RFX3: variants seen among roughly 807,000 people sequenced by gnomAD.
The protein encoded by RFX3 is transcription factor RFX3.
Under a neutral mutation model 98.6 loss-of-function variants are expected in RFX3, and 14 were observed. The observed-to-expected ratio is 0.14, with a 90% CI of 0.09 to 0.22. The LOEUF is 0.22. Ranked by LOEUF, RFX3 falls within the 10% of genes least tolerant of loss-of-function variation. The pLI, the probability that RFX3 is intolerant of heterozygous loss-of-function variation, is 1.00. For missense variants in RFX3, 639 were observed against 926.9 expected (o/e 0.69, Z 4.03); for synonymous variants, 383 against 328.4 (o/e 1.17, Z -1.80).
At chr9:3,451,990 T>C (rs952990796) in intron 1 of RFX3, among the ~76,000 whole-genome samples, 2 of 152,186 alleles carry the variant, frequency 1.3e-5, no homozygotes, top group African/African-American at 2.4e-5. Flanking sequence ...TGTGCTGAAG[T>C]AGAATTGGAA....
At chr9:3,259,687 A>G (rs191250285) in intron 13 of RFX3, among the ~76,000 whole-genome samples, 7 of 152,130 alleles carry the variant, frequency 4.6e-5, no homozygotes, top group Admixed American at 3.9e-4. Context: ...GAATTATGCC[A>G]TCGTAATACT....
chr9:3,464,056 AT>A (rs1195468208), intron 1 of RFX3, among the ~76,000 whole-genome samples: 1 of 152,208 alleles, frequency 6.6e-6, no homozygotes, highest in East Asian at 1.9e-4. Flanking sequence ...AAAATTAATC[AT>A]TTTAGGGAAA....
intron 1 of RFX3, among the ~76,000 whole-genome samples, chr9:3,501,659 C>T (rs553971664): frequency 2.7e-5 from 4 of 148,900 alleles, no homozygotes; most frequent in East Asian, 2.0e-4. Flanking sequence ...GAGGTTCAAG[C>T]GATTCTCGTG....
Position 3,525,955 on chromosome 9 carries a change from AGC to A in RFX3, c.-219_-218del. Reference sequence around the variant, plus strand: ...GAGAGAGAGAGGGAGAGAGAGAGAGAGCGAGAGGGAGAGGGAGACACTCGCAC... The same window carrying A: ...GAGAGAGAGAGGGAGAGAGAGAGAGAGAGAGGGAGAGGGAGACACTCGCAC... On this transcript the variant is annotated 5_prime_UTR_variant, in exon 1 of 17. Coordinates refer to ENST00000617270, the MANE Select transcript of RFX3 (RefSeq NM_001282116.2). The A allele has an allele frequency of 1.9e-5, 10 of 533,992 alleles. No homozygotes were observed. Among genetic ancestry groups the A allele is most frequent in the Non-Finnish European group, 2.3e-5 (10 of 433,130 alleles). The allele number at this position is 533,992 out of a possible 1,614,324, so 33.1% of individuals were successfully genotyped here.
At chr9:3,445,255 TGA>T (rs199713232) in intron 1 of RFX3, among the ~76,000 whole-genome samples, 1,797 of 148,026 alleles carry the variant, frequency 0.012, 33 homozygotes, top group African/African-American at 0.041. Context: ...ATAAATTTAT[TGA>T]GAGAAGGGAG....
At chr9:3,504,489 T>C (rs1023055499) in intron 1 of RFX3, among the ~76,000 whole-genome samples, 4 of 130,590 alleles carry the variant, frequency 3.1e-5, no homozygotes, top group Non-Finnish European at 6.3e-5. Context: ...ATAAAATATA[T>C]ATTATATGCC....
intron 2 of RFX3, among the ~76,000 whole-genome samples, chr9:3,374,777 A>T (rs1838264414): frequency 6.6e-6 from 1 of 152,092 alleles, no homozygotes; most frequent in African/African-American, 2.4e-5. Flanking sequence ...TTGCACAACA[A>T]TGTGAATGTA....
rs148257747 is a variant in RFX3 at position 3,456,409 on chromosome 9, T to C, written c.-8-60813A>G. 1.9e-3 allele frequency among the ~76,000 whole-genome samples: 294 copies of C among 152,340 alleles called. 1 individual carries two copies. The highest frequency in any genetic ancestry group is 6.8e-3 in the African/African-American group (283 of 41,570). ...AGACCATCTTAATTTCAGCTAATCATTTCAGATGGCTAAGCTTTTTTCAAT... is the reference window on the plus strand; with the variant it reads ...AGACCATCTTAATTTCAGCTAATCACTTCAGATGGCTAAGCTTTTTTCAAT... On this transcript the variant is annotated intron_variant, in intron 1 of 16. Transcript: ENST00000617270.
At chr9:3,471,829 C>G (rs1848805178) in intron 1 of RFX3, among the ~76,000 whole-genome samples, 1 of 152,234 alleles carries the variant, frequency 6.6e-6, no homozygotes. Flanking sequence ...GCCTAGAATT[C>G]TGTCTTCACT....
At chr9:3,229,427 T>C (rs1818195048) in intron 15 of RFX3, among the ~76,000 whole-genome samples, 1 of 152,242 alleles carries the variant, frequency 6.6e-6, no homozygotes, top group Admixed American at 6.5e-5. Context: ...TTGAGACTTC[T>C]CTCAGATAAT....
Position 3,398,295 on chromosome 9 carries a change from C to A in RFX3, c.-8-2699G>T, listed in dbSNP as rs142916069. ...GGGGAGAGAATACACAAATTAAGAA[C>A]CCAGTCTGTGCCTCTTCCTCTTTCT... On this transcript the variant is annotated intron_variant, in intron 1 of 16. Transcript: ENST00000617270. 4.1e-3 allele frequency among the ~76,000 whole-genome samples: 626 copies of A among 151,992 alleles called. 1 individual carries two copies. The highest frequency in any genetic ancestry group is 0.014 in the African/African-American group (591 of 41,410).
At chr9:3,354,349 C>T (rs1179303019) in intron 2 of RFX3, among the ~76,000 whole-genome samples, 1 of 151,746 alleles carries the variant, frequency 6.6e-6, no homozygotes, top group African/African-American at 2.4e-5. Context: ...TTAAGCCTAG[C>T]CAGGGCAACA....
chr9:3,246,678 T>C (rs924848797), intron 15 of RFX3, among the ~76,000 whole-genome samples: 1 of 152,154 alleles, frequency 6.6e-6, no homozygotes, highest in African/African-American at 2.4e-5. Flanking sequence ...AAGGCATCTA[T>C]AAAACAAGTA....
rs1317857585 is a variant in RFX3, at chr9:3,219,385, C to T, written c.*5657G>A. On this transcript the variant is annotated 3_prime_UTR_variant, in exon 17 of 17. Coordinates refer to ENST00000617270, the MANE Select transcript of RFX3 (RefSeq NM_001282116.2). ...ATTTGTTGTCCTCGTTATTGAGCTA[C>T]ATAAACAATTCTTACCAAAGATTTT... 1 of 150,930 alleles carries T rather than the reference C, an allele frequency of 6.6e-6. No individual in the cohort carries two copies. Among genetic ancestry groups the T allele is most frequent in the Admixed American group, 6.6e-5 (1 of 15,124 alleles). The allele number at this position is 150,930 out of a possible 1,614,324, so 9.3% of individuals were successfully genotyped here.
At position 3,419,749 on chromosome 9, in the gene RFX3, T is replaced by C. The variant is rs1018834432; in HGVS notation, c.-8-24153A>G. ...CTGTAAATTCTATGTAAATAGTTGT[T>C]ACACTGTATTTTTCATTTTTTATTA... On this transcript the variant is annotated intron_variant, in intron 1 of 16. Coordinates refer to ENST00000617270, the MANE Select transcript of RFX3 (RefSeq NM_001282116.2). Among the ~76,000 whole-genome samples the C allele has an allele frequency of 2.0e-5, 3 of 152,228 alleles. No homozygotes were observed. In the East Asian group the frequency reaches 5.8e-4, roughly 29 times the overall value.
intron 6 of RFX3, among the ~76,000 whole-genome samples, chr9:3,288,601 T>C (rs922054722): frequency 7.2e-5 from 11 of 152,062 alleles, no homozygotes; most frequent in Non-Finnish European, 1.5e-4. Context: ...GAAAAAAGTT[T>C]TTGGCCAGTA....
intron 4 of RFX3, among the ~76,000 whole-genome samples, chr9:3,302,606 A>C (rs1828799246): frequency 1.3e-5 from 2 of 151,854 alleles, no homozygotes; most frequent in South Asian, 4.1e-4. Context: ...TTACATCAAC[A>C]ATTCAGTATA....
intron 5 of RFX3, among the ~76,000 whole-genome samples, chr9:3,294,162 A>G (rs1285281531): frequency 6.6e-6 from 1 of 152,200 alleles, no homozygotes; most frequent in East Asian, 1.9e-4. Flanking sequence ...ATTTATTTAT[A>G]AAAGCAGAAC....
chr9:3,349,567 A>G (rs989067894), intron 2 of RFX3, among the ~76,000 whole-genome samples: 7 of 152,018 alleles, frequency 4.6e-5, no homozygotes, highest in African/African-American at 1.4e-4. Flanking sequence ...TGCTGCTTCT[A>G]TCTTACTTAC....
Sources: allele counts gnomAD v4.1 joint callset (sites outside exome capture counted in the v4.1 genomes callset), GRCh38; gene constraint gnomAD v4.1.1; transcripts MANE v1.5; gene names NCBI Gene and HGNC (gene_info 2026-07-23, HGNC 2026-07-21).